ZFAND4: variants seen among roughly 807,000 people sequenced by gnomAD.
ZFAND4 encodes the protein AN1-type zinc finger protein 4.
A neutral mutation model predicts 64.4 loss-of-function variants in ZFAND4; 43 were observed. The observed-to-expected ratio is 0.67, with a 90% CI of 0.52 to 0.86. The LOEUF is 0.86. Ranked by LOEUF, ZFAND4 falls within the 40% of genes least tolerant of loss-of-function variation. The pLI is 0.00. For synonymous variants in ZFAND4, 296 were observed against 305.7 expected (o/e 0.97, Z 0.33); for missense variants, 929 against 859.8 (o/e 1.08, Z -1.01).
chr10:45,629,507 TC>T (rs1466765565), intron 6 of ZFAND4, among the ~76,000 whole-genome samples: 1 of 152,062 alleles, frequency 6.6e-6, no homozygotes, highest in Non-Finnish European at 1.5e-5. Flanking sequence ...TAAGGATCCT[TC>T]AAAAACAGTA....
intron 5 of ZFAND4, among the ~76,000 whole-genome samples, chr10:45,645,283 T>C (rs953680729): frequency 1.3e-5 from 2 of 152,180 alleles, no homozygotes; most frequent in African/African-American, 4.8e-5. Context: ...GTAAGGTCTT[T>C]AAAGTCTACA....
At chr10:45,624,550 C>G in intron 8 of ZFAND4, 33 bp downstream of exon 8, 2 of 1,602,698 alleles carry the variant, frequency 1.2e-6, no homozygotes, top group African/African-American at 2.7e-5. Flanking sequence ...AATTATCAGC[C>G]TTGTATTGTT....
rs565346892 is a variant in ZFAND4 at position 45,651,385 on chromosome 10, T to G, written c.328+581A>C. ...CTCTTTACACATTTATTGTAGGCAC[T>G]GTCATGAAGCAGAGACTTTCTCTCC... is the stretch of plus-strand genomic sequence containing the variant. On this transcript the variant is annotated intron_variant, in intron 4 of 9. Transcript: ENST00000344646. 7.8e-5 allele frequency: 26 copies of G among 333,424 alleles called. 1 individual carries two copies. The highest frequency in any genetic ancestry group is 6.6e-4 in the South Asian group (26 of 39,266). The allele number at this position is 333,424 out of a possible 1,614,324, so 20.7% of individuals were successfully genotyped here. A position where few individuals can be genotyped will look rare whatever the true frequency, so the allele number is the denominator to read the frequency against.
chr10:45,652,011 T>C lies in ZFAND4; in HGVS notation c.283A>G (p.Lys95Glu), dbSNP rs1223946610. ...CCGCCACGCATAGCCAAAACTAGCT[T>C]CAAGGTACACCCTTCTGAAATGCTG... ...DYNISEGCTL[K>E]LVLAMRGGPI... is the part of the protein sequence containing the mutation. The change falls in exon 4 of 10, where the codon AAG becomes GAG. Residue 95 changes from lysine to glutamate, a missense_variant. Lys to Glu is a moderately conservative substitution (Grantham distance 56). Coordinates refer to ENST00000344646, the MANE Select transcript of ZFAND4 (RefSeq NM_174890.4). 2 of 1,613,728 alleles carry C rather than the reference T, an allele frequency of 1.2e-6. No homozygotes were observed. The highest frequency in any genetic ancestry group is 1.7e-6 in the Non-Finnish European group (2 of 1,179,794).
intron 1 of ZFAND4, among the ~76,000 whole-genome samples, chr10:45,671,102 G>C (rs1460486747): frequency 6.6e-6 from 1 of 152,196 alleles, no homozygotes; most frequent in Non-Finnish European, 1.5e-5. Flanking sequence ...CTGGTCATCA[G>C]AAAAATGCAA....
chr10:45,652,520 C>G (rs1457909841), intron 3 of ZFAND4, among the ~76,000 whole-genome samples: 1 of 152,046 alleles, frequency 6.6e-6, no homozygotes, highest in African/African-American at 2.4e-5. Flanking sequence ...ATAAGAGAGA[C>G]AAAGTGTCAG....
chr10:45,631,275 C>T (rs1301219425), intron 6 of ZFAND4, among the ~76,000 whole-genome samples: 3 of 150,686 alleles, frequency 2.0e-5, no homozygotes, highest in Non-Finnish European at 4.4e-5. Context: ...CGAGATCATG[C>T]CACTGCACTC....
chr10:45,655,973 T>C (rs1360308851), intron 2 of ZFAND4, among the ~76,000 whole-genome samples: 1 of 152,212 alleles, frequency 6.6e-6, no homozygotes, highest in East Asian at 1.9e-4. Context: ...GGCTCACGCC[T>C]GTAATCCCAG....
chr10:45,624,524 G>C (rs377571060), intron 8 of ZFAND4, 59 bp downstream of exon 8: 2 of 1,491,104 alleles, frequency 1.3e-6, no homozygotes, highest in African/African-American at 2.8e-5. Flanking sequence ...AAATTCAACC[G>C]GATGCATAAT....
At chr10:45,654,549 G>A (rs2047976755) in intron 2 of ZFAND4, among the ~76,000 whole-genome samples, 1 of 151,798 alleles carries the variant, frequency 6.6e-6, no homozygotes, top group Non-Finnish European at 1.5e-5. Flanking sequence ...AACCTGGGAG[G>A]CAGAGGTTGC....
At chr10:45,671,252 C>T (rs938104655) in intron 1 of ZFAND4, among the ~76,000 whole-genome samples, 1 of 152,166 alleles carries the variant, frequency 6.6e-6, no homozygotes, top group Admixed American at 6.5e-5. Context: ...TTAGTTCAAC[C>T]GTTGTGGAAA....
chr10:45,641,575 A>C (rs571519263), intron 5 of ZFAND4, among the ~76,000 whole-genome samples: 1 of 152,362 alleles, frequency 6.6e-6, no homozygotes, highest in South Asian at 2.1e-4. Flanking sequence ...CATGGGTAGC[A>C]TCTGAAGGAA....
intron 1 of ZFAND4, among the ~76,000 whole-genome samples, chr10:45,670,594 A>G (rs1318981702): frequency 6.6e-6 from 1 of 152,244 alleles, no homozygotes; most frequent in East Asian, 1.9e-4. Flanking sequence ...ATGATTCCCT[A>G]TTTAATAAAT....
intron 9 of ZFAND4, among the ~76,000 whole-genome samples, chr10:45,616,810 G>A (rs2044995528): frequency 6.6e-6 from 1 of 152,136 alleles, no homozygotes; most frequent in East Asian, 1.9e-4. Context: ...CTGAAACAGG[G>A]TAGACCAGGG....
At position 45,626,882 on chromosome 10, in the gene ZFAND4, C is replaced by T. The variant is rs1444513429; in HGVS notation, c.941G>A (p.Gly314Asp). ...GCTATTATCTTCCTTAAGAAATTCA[C>T]CAGTGATAGAAGATATGTATCTCTC... ...SAERYISSIT[G>D]EFLKEDNSWE... The change falls in exon 7 of 10, where the codon GGT (glycine) becomes GAT (aspartate). Residue 314 changes from glycine to aspartate, a missense_variant. By Grantham distance (94) the Gly-to-Asp change is moderately conservative (BLOSUM62 -1). Transcript: ENST00000344646. 3.7e-6 allele frequency: 6 copies of T among 1,614,196 alleles called. No individual in the cohort carries two copies. Among genetic ancestry groups the T allele is most frequent in the South Asian group, 2.2e-5 (2 of 91,086 alleles).
chr10:45,664,364 G>A (rs1307809740), intron 1 of ZFAND4, among the ~76,000 whole-genome samples: 1 of 151,624 alleles, frequency 6.6e-6, no homozygotes, highest in African/African-American at 2.4e-5. Flanking sequence ...CGCCTCCCGG[G>A]TTCAAGCAAT....
chr10:45,672,002 G>A (rs1332745175), intron 1 of ZFAND4, among the ~76,000 whole-genome samples: 1 of 152,160 alleles, frequency 6.6e-6, no homozygotes, highest in Admixed American at 6.5e-5. Context: ...AGCTACAGAA[G>A]AGCAGTTACC....
intron 6 of ZFAND4, among the ~76,000 whole-genome samples, chr10:45,635,210 A>C (rs1180691302): frequency 2.2e-5 from 3 of 137,756 alleles, no homozygotes; most frequent in Non-Finnish European, 4.8e-5. Flanking sequence ...AAAAAAAAAA[A>C]AAACAAAAAA....
chr10:45,663,580 G>A lies in ZFAND4; in HGVS notation c.146C>T (p.Thr49Ile). ...AATTTTTGCTTTCACAGAAATAACAGTTTCAAAAGGTGAAACTCTCAGCTC... is the reference window on the plus strand; with the variant it reads ...AATTTTTGCTTTCACAGAAATAACAATTTCAAAAGGTGAAACTCTCAGCTC... ...CFELRVSPFE[T>I]VISVKAKIRR... is the part of the protein sequence containing the mutation. Residue 49 changes from threonine (T) to isoleucine (I), a missense_variant, in exon 2 of 10, where the codon ACT becomes ATT. Physicochemically the swap from Thr to Ile is moderately conservative, Grantham distance 89 (BLOSUM62 -1). Transcript: ENST00000344646. 1 of 1,604,918 alleles carries A rather than the reference G, an allele frequency of 6.2e-7. No homozygotes were observed. Among genetic ancestry groups the A allele is most frequent in the African/African-American group, 1.3e-5 (1 of 74,464 alleles).
Sources: allele counts gnomAD v4.1 joint callset (sites outside exome capture counted in the v4.1 genomes callset), GRCh38; gene constraint gnomAD v4.1.1; transcripts MANE v1.5; gene names NCBI Gene and HGNC (gene_info 2026-07-23, HGNC 2026-07-21).